The following CSMD3 variants were observed in gnomAD, a reference collection of about 807,000 sequenced individuals.
CSMD3 encodes the protein CUB and sushi domain-containing protein 3.
In CSMD3, 177 loss-of-function variants were observed where a neutral mutation model predicts 435.2. The observed-to-expected ratio is 0.41, with a 90% confidence interval of 0.36 to 0.46. The LOEUF is 0.46. CSMD3 is among the 20% of genes least tolerant of loss of function. The pLI is 0.34. For missense variants in CSMD3, 4,265 were observed against 4,504.6 expected, an observed-to-expected ratio of 0.95 and a Z score of 1.52; for synonymous variants, 1,656 against 1,520.5, an observed-to-expected ratio of 1.09 and a Z score of -2.07.
intron 13 of CSMD3, among the ~76,000 whole-genome samples, chr8:112,691,136 G>A (rs1292741990): frequency 6.6e-6 from 1 of 151,890 alleles, no homozygotes; most frequent in African/African-American, 2.4e-5. Context: ...TTATTATACT[G>A]TCAATATTAT....
At chr8:112,702,175 C>A (rs555228749) in intron 13 of CSMD3, among the ~76,000 whole-genome samples, 4 of 152,082 alleles carry the variant, frequency 2.6e-5, no homozygotes, top group South Asian at 2.1e-4. Flanking sequence ...CCTGACACAG[C>A]CCTATGAGGA....
intron 13 of CSMD3, among the ~76,000 whole-genome samples, chr8:112,742,321 C>T (rs1022745570): frequency 6.6e-6 from 1 of 151,812 alleles, no homozygotes; most frequent in Non-Finnish European, 1.5e-5. Flanking sequence ...TCCTTAATGC[C>T]TCCTTTTCCA....
chr8:112,995,616 T>A (rs894084866), intron 6 of CSMD3, among the ~76,000 whole-genome samples: 1 of 151,456 alleles, frequency 6.6e-6, no homozygotes, highest in African/African-American at 2.4e-5. Flanking sequence ...CCTAAATAAT[T>A]ATGGTTCCTT....
At chr8:113,210,681 C>T (rs1208304532) in intron 3 of CSMD3, among the ~76,000 whole-genome samples, 1 of 151,850 alleles carries the variant, frequency 6.6e-6, no homozygotes, top group East Asian at 1.9e-4. Flanking sequence ...AGTTCGAGAC[C>T]AGCCTGGCCA....
chr8:112,331,156 C>T (rs1035693278), intron 45 of CSMD3, among the ~76,000 whole-genome samples: 2 of 151,966 alleles, frequency 1.3e-5, no homozygotes, highest in African/African-American at 4.8e-5. Flanking sequence ...GATGGCTATA[C>T]AAAGTCACTG....
At chr8:112,231,043 C>T (rs1191332380) in intron 69 of CSMD3, among the ~76,000 whole-genome samples, 1 of 152,116 alleles carries the variant, frequency 6.6e-6, no homozygotes, top group Non-Finnish European at 1.5e-5. Context: ...TTCTTTGCTT[C>T]CCACTGCAGA....
intron 54 of CSMD3, among the ~76,000 whole-genome samples, chr8:112,294,864 T>C (rs776705019): frequency 6.6e-6 from 1 of 152,174 alleles, no homozygotes; most frequent in Non-Finnish European, 1.5e-5. Context: ...AAACAGTGCT[T>C]TAAAATAAAC....
intron 12 of CSMD3, among the ~76,000 whole-genome samples, chr8:112,816,565 T>C (rs1473805219): frequency 6.6e-6 from 1 of 152,114 alleles, no homozygotes; most frequent in Non-Finnish European, 1.5e-5. Context: ...TAGGAAAGTA[T>C]AACTCCTTGG....
intron 28 of CSMD3, among the ~76,000 whole-genome samples, chr8:112,515,466 A>G (rs1032802583): frequency 3.9e-5 from 6 of 152,136 alleles, no homozygotes; most frequent in Admixed American, 2.6e-4. Context: ...ACAGATACGA[A>G]ACATTATTTC....
At chr8:112,867,533 ATCT>A (rs1490082162) in intron 10 of CSMD3, among the ~76,000 whole-genome samples, 1 of 151,978 alleles carries the variant, frequency 6.6e-6, no homozygotes, top group East Asian at 1.9e-4. Flanking sequence ...CCTACTACAA[ATCT>A]AGATTGTGTA....
chr8:112,599,220 A>C (rs1223816450), intron 22 of CSMD3, among the ~76,000 whole-genome samples: 1 of 150,844 alleles, frequency 6.6e-6, no homozygotes, highest in East Asian at 1.9e-4. Flanking sequence ...ACATGAACAG[A>C]CACTTCTCAA....
chr8:112,271,108 C>T (rs1255872701), intron 59 of CSMD3, among the ~76,000 whole-genome samples: 7 of 152,078 alleles, frequency 4.6e-5, no homozygotes, highest in South Asian at 4.1e-4. Flanking sequence ...CAAGATTCAA[C>T]GAGCACTCTT....
chr8:113,214,274 T>C (rs1431781151), intron 3 of CSMD3, among the ~76,000 whole-genome samples: 2 of 152,020 alleles, frequency 1.3e-5, no homozygotes, highest in Admixed American at 6.6e-5. Flanking sequence ...ATGAGGTGCA[T>C]GTGAAGCTTT....
intron 1 of CSMD3, among the ~76,000 whole-genome samples, chr8:113,382,165 A>G (rs981756334): frequency 1.3e-5 from 2 of 152,178 alleles, no homozygotes; most frequent in African/African-American, 4.8e-5. Flanking sequence ...TTTAAAGTAT[A>G]TAAAGATATT....
At chr8:112,617,749 G>A (rs1206103026) in intron 22 of CSMD3, among the ~76,000 whole-genome samples, 3 of 152,046 alleles carry the variant, frequency 2.0e-5, no homozygotes, top group African/African-American at 7.2e-5. Context: ...CTATCTTAAT[G>A]TACATTGATA....
chr8:113,118,678 A>G (rs1275258022), intron 4 of CSMD3, among the ~76,000 whole-genome samples: 1 of 152,182 alleles, frequency 6.6e-6, no homozygotes, highest in East Asian at 1.9e-4. Context: ...TTAGAAATGT[A>G]TTATTATTTT....
At chr8:113,253,419 C>T (rs1170928693) in intron 3 of CSMD3, among the ~76,000 whole-genome samples, 2 of 152,072 alleles carry the variant, frequency 1.3e-5, no homozygotes, top group Admixed American at 6.6e-5. Flanking sequence ...TGATGTTCCC[C>T]TTCCTGTGTC....
At chr8:112,384,639 A>T (rs1333543026) in intron 36 of CSMD3, among the ~76,000 whole-genome samples, 2 of 152,246 alleles carry the variant, frequency 1.3e-5, no homozygotes, top group Non-Finnish European at 2.9e-5. Context: ...CTCATTAAAA[A>T]TTTATTATCT....
At chr8:112,890,607 A>C (rs1378501006) in intron 10 of CSMD3, among the ~76,000 whole-genome samples, 1 of 151,710 alleles carries the variant, frequency 6.6e-6, no homozygotes, top group Non-Finnish European at 1.5e-5. Context: ...CAGCTTTTAA[A>C]ACTCCATGCC....
Sources: allele counts gnomAD v4.1 joint callset (sites outside exome capture counted in the v4.1 genomes callset), GRCh38; gene constraint gnomAD v4.1.1; transcripts MANE v1.5; gene names NCBI Gene and HGNC (gene_info 2026-07-23, HGNC 2026-07-21).